KHDRBS2: variants seen among roughly 807,000 people sequenced by gnomAD.
KHDRBS2 encodes KH RNA binding domain containing, signal transduction associated 2, also known as KH domain-containing, RNA-binding, signal transduction-associated protein 2.
KHDRBS2 carries 26 observed loss-of-function variants against 44.3 expected under a neutral mutation model. The ratio of observed to expected loss-of-function variants is 0.59; its 90% CI spans 0.43 to 0.81. The LOEUF (loss-of-function observed/expected upper bound fraction) is 0.81, where lower values mean the gene tolerates loss of function less well. KHDRBS2 is among the 40% of genes least tolerant of loss of function. The pLI is 0.00. For synonymous variants in KHDRBS2, 194 were observed against 151.1 expected, an observed-to-expected ratio of 1.28 and a Z score of -2.08; for missense variants, 476 against 433.1, an observed-to-expected ratio of 1.10 and a Z score of -0.88.
intron 2 of KHDRBS2, among the ~76,000 whole-genome samples, chr6:62,106,042 A>G (rs1000908500): frequency 6.6e-6 from 1 of 152,200 alleles, no homozygotes; most frequent in African/African-American, 2.4e-5. Flanking sequence ...TGTACCCAGT[A>G]GTCATTCAGG....
chr6:62,165,784 C>T (rs1409544893), intron 2 of KHDRBS2, among the ~76,000 whole-genome samples: 3 of 151,940 alleles, frequency 2.0e-5, no homozygotes, highest in Non-Finnish European at 4.4e-5. Context: ...ATCCTCCAGC[C>T]TTAGCCTACC....
chr6:61,546,920 C>A, the KHDRBS2 span, among the ~76,000 whole-genome samples: 2 of 152,022 alleles, frequency 1.3e-5, no homozygotes. Context: ...CCAGATTATT[C>A]CAGTTCAGAG....
chr6:62,020,866 A>C (rs1386262448), intron 3 of KHDRBS2, among the ~76,000 whole-genome samples: 3 of 152,084 alleles, frequency 2.0e-5, no homozygotes, highest in African/African-American at 7.2e-5. Flanking sequence ...TGATCCGGCT[A>C]TCCCATTACT....
At chr6:61,738,508 T>A (rs900013790) in intron 6 of KHDRBS2, among the ~76,000 whole-genome samples, 28 of 152,094 alleles carry the variant, frequency 1.8e-4, no homozygotes, top group Non-Finnish European at 1.5e-5. Flanking sequence ...CTTTGCTAAG[T>A]CCTCTACAAT....
chr6:62,043,314 G>T (rs1282374037), intron 3 of KHDRBS2, among the ~76,000 whole-genome samples: 2 of 152,064 alleles, frequency 1.3e-5, no homozygotes, highest in African/African-American at 4.8e-5. Context: ...AGTGAAACCA[G>T]CAGCTTTGTG....
intron 2 of KHDRBS2, among the ~76,000 whole-genome samples, chr6:62,061,132 G>A (rs1225723843): frequency 6.6e-6 from 1 of 151,790 alleles, no homozygotes; most frequent in African/African-American, 2.4e-5. Context: ...TATCCAATTT[G>A]CCAGTCTGTG....
intron 8 of KHDRBS2, among the ~76,000 whole-genome samples, chr6:61,696,176 C>T (rs1056145370): frequency 1.3e-5 from 2 of 151,850 alleles, no homozygotes; most frequent in Admixed American, 1.3e-4. Context: ...AAATTCAAGA[C>T]TATAAATATT....
At chr6:62,275,487 T>C (rs1200042505) in intron 1 of KHDRBS2, among the ~76,000 whole-genome samples, 2 of 152,228 alleles carry the variant, frequency 1.3e-5, no homozygotes, top group Non-Finnish European at 1.5e-5. Flanking sequence ...ATAAACATCA[T>C]GGTAAATGTA....
chr6:62,032,074 G>A (rs1338284282), intron 3 of KHDRBS2, among the ~76,000 whole-genome samples: 3 of 152,226 alleles, frequency 2.0e-5, no homozygotes, highest in Non-Finnish European at 4.4e-5. Context: ...AGTAAAGGAA[G>A]AGAACATAAG....
chr6:62,224,393 A>G (rs1831411014), intron 1 of KHDRBS2, among the ~76,000 whole-genome samples: 1 of 152,126 alleles, frequency 6.6e-6, no homozygotes, highest in South Asian at 2.1e-4. Flanking sequence ...GGACACAGCC[A>G]AACCATATCA....
chr6:61,603,236 G>T, the KHDRBS2 span, among the ~76,000 whole-genome samples: 1 of 152,088 alleles, frequency 6.6e-6, no homozygotes. Flanking sequence ...GTTAGTTCAG[G>T]ATCTGTGCCT....
chr6:61,936,167 C>A lies in KHDRBS2; in HGVS notation c.484-34796G>T, dbSNP rs1316234034. 2.0e-5 allele frequency among the ~76,000 whole-genome samples: 3 copies of A among 152,056 alleles called. No individual in the cohort carries two copies. In the South Asian group the frequency reaches 6.2e-4, roughly 32 times the overall value. ...TTGACACATATAAATATGGTATGTA[C>A]ATACATTTTACCTTTTATTCTTTGC... is the stretch of plus-strand genomic sequence containing the variant. On this transcript the variant is annotated intron_variant, in intron 4 of 8. Transcript: ENST00000281156.
At chr6:61,677,294 A>T (rs746997277), downstream of KHDRBS2, among the ~76,000 whole-genome samples, 4 of 151,944 alleles carry the variant, frequency 2.6e-5, no homozygotes, top group Admixed American at 6.6e-5. Flanking sequence ...TGGATAAAAG[A>T]GAATAATGAG....
At chr6:62,067,895 T>C (rs1584486489) in intron 2 of KHDRBS2, among the ~76,000 whole-genome samples, 1 of 151,728 alleles carries the variant, frequency 6.6e-6, no homozygotes, top group East Asian at 2.0e-4. Context: ...TGGAACTTTA[T>C]TTATTTATTG....
chr6:61,555,786 G>A, the KHDRBS2 span, among the ~76,000 whole-genome samples: 2 of 152,004 alleles, frequency 1.3e-5, no homozygotes, highest in African/African-American at 2.4e-5. Context: ...TTTTTTGGAG[G>A]GCAAGGCTCA....
At chr6:61,845,814 A>G (rs992673039) in intron 6 of KHDRBS2, among the ~76,000 whole-genome samples, 1 of 152,186 alleles carries the variant, frequency 6.6e-6, no homozygotes, top group Non-Finnish European at 1.5e-5. Flanking sequence ...TTGTTTCTTT[A>G]CTACAATTGT....
At chr6:61,566,071 A>G in the KHDRBS2 span, among the ~76,000 whole-genome samples, 1 of 152,030 alleles carries the variant, frequency 6.6e-6, no homozygotes, top group Admixed American at 6.6e-5. Context: ...CATACAAAAA[A>G]AATCCAGTCA....
intron 6 of KHDRBS2, among the ~76,000 whole-genome samples, chr6:61,762,351 G>A (rs1300188853): frequency 6.6e-6 from 1 of 152,138 alleles, no homozygotes; most frequent in African/African-American, 2.4e-5. Flanking sequence ...CAGTAATATA[G>A]TTTGGATATT....
At chr6:61,654,791 C>A in the KHDRBS2 span, among the ~76,000 whole-genome samples, 2 of 151,116 alleles carry the variant, frequency 1.3e-5, no homozygotes, top group Admixed American at 6.6e-5. Context: ...ACACAGGAGC[C>A]TTGGATTACC....
Sources: gnomAD v4.1 joint callset for allele counts (sites outside exome capture counted in the v4.1 genomes callset) on GRCh38, gnomAD v4.1.1 for gene constraint, MANE v1.5 for transcripts, NCBI Gene and HGNC (gene_info 2026-07-23, HGNC 2026-07-21) for gene names.